SLC38A9: variants seen among roughly 807,000 people sequenced by gnomAD.
The protein encoded by SLC38A9 is solute carrier family 38 member 9.
A neutral mutation model predicts 62.3 loss-of-function variants in SLC38A9; 48 were observed. That is an observed-to-expected ratio of 0.77 (90% CI 0.61 to 0.98). The LOEUF is 0.98. SLC38A9 is among the 50% of genes least tolerant of loss of function. The probability of loss-of-function intolerance (pLI) is 0.00; values close to 1 mark genes in which losing one functional copy is unlikely to be tolerated. For synonymous variants in SLC38A9, 204 were observed against 227.7 expected, an observed-to-expected ratio of 0.90 and a Z score of 0.94; for missense variants, 541 against 679.8, an observed-to-expected ratio of 0.80 and a Z score of 2.27.
Position 55,691,158 on chromosome 5 carries a change from T to C in SLC38A9, c.113+6688A>G, listed in dbSNP as rs565239135. The C allele has an allele frequency of 1.3e-4, 103 of 764,302 alleles. No individual in the cohort carries two copies. In the South Asian group the frequency reaches 1.4e-3, roughly 11 times the overall value. 47.3% of individuals were successfully genotyped at this position (764,302 alleles called of 1,614,324 possible). A position where few individuals can be genotyped will look rare whatever the true frequency, so the allele number is the denominator to read the frequency against. The stretch of plus-strand genomic sequence containing the variant: ...TGAAATGTTCTCAGTTAGAAAAATC[T>C]TGAAACTTTTGGTTAGGACTTCATA... On this transcript the variant is annotated intron_variant, in intron 3 of 15. Coordinates refer to ENST00000396865, the MANE Select transcript of SLC38A9 (RefSeq NM_173514.4).
chr5:55,666,294 A>T (rs1277774926), intron 7 of SLC38A9, among the ~76,000 whole-genome samples: 1 of 152,232 alleles, frequency 6.6e-6, no homozygotes, highest in African/African-American at 2.4e-5. Context: ...TTAGTAATAT[A>T]AACTTTTTGT....
intron 3 of SLC38A9, among the ~76,000 whole-genome samples, chr5:55,689,340 T>A (rs1265010649): frequency 6.6e-6 from 1 of 152,190 alleles, no homozygotes; most frequent in East Asian, 1.9e-4. Context: ...AAGCCAAAGA[T>A]GCATAATCTC....
At chr5:55,655,672 T>C (rs906072228) in intron 9 of SLC38A9, among the ~76,000 whole-genome samples, 1 of 152,194 alleles carries the variant, frequency 6.6e-6, no homozygotes, top group African/African-American at 2.4e-5. Flanking sequence ...TGTCTGTTCA[T>C]TATTATATCC....
intron 3 of SLC38A9, among the ~76,000 whole-genome samples, chr5:55,689,254 TTAAAA>T (rs1754393804): frequency 6.6e-6 from 1 of 152,116 alleles, no homozygotes; most frequent in African/African-American, 2.4e-5. Flanking sequence ...ATCTCCTAAC[TTAAAA>T]TAAGGCATAG....
intron 2 of SLC38A9, among the ~76,000 whole-genome samples, chr5:55,701,410 G>A (rs996078158): frequency 6.6e-6 from 1 of 152,116 alleles, no homozygotes. Flanking sequence ...TACTTGCTCA[G>A]GCCAAAATTC....
intron 11 of SLC38A9, among the ~76,000 whole-genome samples, chr5:55,647,899 G>A (rs1480868598): frequency 1.3e-5 from 2 of 152,122 alleles, no homozygotes; most frequent in African/African-American, 2.4e-5. Flanking sequence ...CATAACCACA[G>A]CACTTCATTC....
intron 9 of SLC38A9, among the ~76,000 whole-genome samples, chr5:55,656,035 T>A (rs1345816703): frequency 6.6e-6 from 1 of 152,120 alleles, no homozygotes; most frequent in Non-Finnish European, 1.5e-5. Context: ...TCTCTAAAAC[T>A]AAGTTAAACT....
intron 12 of SLC38A9, 152 bp from the exon 13 acceptor site, chr5:55,635,809 A>G: frequency 1.7e-6 from 1 of 589,180 alleles, no homozygotes; most frequent in South Asian, 2.3e-5. Flanking sequence ...TTGTTCACAG[A>G]AAGTAGTTAA....
Position 55,626,482 on chromosome 5 carries a change from A to T in SLC38A9, c.*12T>A, listed in dbSNP as rs754133453. 6.2e-7 allele frequency: 1 copy of T among 1,605,602 alleles called. No individual in the cohort carries two copies. Among genetic ancestry groups the T allele is most frequent in the South Asian group, 1.1e-5 (1 of 90,284 alleles). ...TATCATGAGAGCTCTTGAAAAAAAC[A>T]GTTGAGGTATTTCACATAAAAAACT... On this transcript the variant is annotated 3_prime_UTR_variant, in exon 16 of 16. Transcript: ENST00000396865.
At chr5:55,632,725 G>T (rs1298555014) in intron 14 of SLC38A9, among the ~76,000 whole-genome samples, 1 of 152,058 alleles carries the variant, frequency 6.6e-6, no homozygotes. Flanking sequence ...TAGCCATAAA[G>T]AAATGATCTG....
intron 8 of SLC38A9, among the ~76,000 whole-genome samples, chr5:55,659,378 G>GTTTTTT (rs35686566): frequency 1.5e-3 from 187 of 125,542 alleles, no homozygotes; most frequent in Non-Finnish European, 2.4e-3. Flanking sequence ...AACTGGAAAG[G>GTTTTTT]TTTTTTTTTT....
At chr5:55,691,850 A>G (rs1019269974) in intron 3 of SLC38A9, among the ~76,000 whole-genome samples, 1 of 152,124 alleles carries the variant, frequency 6.6e-6, no homozygotes, top group Non-Finnish European at 1.5e-5. Context: ...AAGCCCCCCA[A>G]ATGACTTGAC....
intron 3 of SLC38A9, among the ~76,000 whole-genome samples, 175 bp downstream of exon 3, chr5:55,697,671 A>AT (rs1235627869): frequency 2.6e-5 from 4 of 151,352 alleles, no homozygotes; most frequent in Non-Finnish European, 4.4e-5. Flanking sequence ...AAAAAAAAAA[A>AT]AAAATATAAA....
chr5:55,669,199 A>C (rs771670073), intron 7 of SLC38A9, 29 bp downstream of exon 7: 6 of 1,531,820 alleles, frequency 3.9e-6, no homozygotes, highest in African/African-American at 1.4e-5. Flanking sequence ...TAATACCCAT[A>C]ATCTATTGTC....
chr5:55,667,356 T>G (rs960841702), intron 7 of SLC38A9, among the ~76,000 whole-genome samples: 2 of 152,230 alleles, frequency 1.3e-5, no homozygotes, highest in Admixed American at 6.5e-5. Context: ...GGTACTTGTC[T>G]GGGAATAAAT....
In SLC38A9 at chr5:55,633,746, GC is replaced by G; in HGVS notation, c.1430+7del. On this transcript the variant is annotated splice_region_variant and intron_variant, in intron 14 of 15. Coordinates refer to ENST00000396865, the MANE Select transcript of SLC38A9 (RefSeq NM_173514.4). ...GCACATCCTGCTGGTCAAGAGAAGA[GC>G]CCTTACCTAGGATAAATGTCACCGA... 2 of 1,614,136 alleles carry G rather than the reference GC, an allele frequency of 1.2e-6. No homozygotes were observed. The highest frequency in any genetic ancestry group is 2.7e-5 in the African/African-American group (2 of 75,042).
At chr5:55,634,818 G>A (rs1435335356) in intron 13 of SLC38A9, 1 of 152,056 alleles carries the variant, frequency 6.6e-6, no homozygotes, top group Non-Finnish European at 1.5e-5. Flanking sequence ...CTTCTGACCA[G>A]AAAGTCACTT....
At chr5:55,675,424 T>A (rs553007299) in intron 3 of SLC38A9, 2 of 147,316 alleles carry the variant, frequency 1.4e-5, no homozygotes, top group African/African-American at 5.1e-5. Context: ...TAGAAACATA[T>A]GCTTAAAGCT....
intron 1 of SLC38A9, among the ~76,000 whole-genome samples, chr5:55,711,908 T>A (rs1758100416): frequency 6.6e-6 from 1 of 152,182 alleles, no homozygotes; most frequent in East Asian, 1.9e-4. Context: ...CCCAACCCTA[T>A]CTTTTCTCTA....
Sources: gnomAD v4.1 joint callset for allele counts (sites outside exome capture counted in the v4.1 genomes callset) on GRCh38, gnomAD v4.1.1 for gene constraint, MANE v1.5 for transcripts, NCBI Gene and HGNC (gene_info 2026-07-23, HGNC 2026-07-21) for gene names.